Variants in PPP4R2 observed in about 807,000 individuals in gnomAD.
PPP4R2 encodes protein phosphatase 4 regulatory subunit 2.
PPP4R2 carries 13 observed loss-of-function variants against 47.2 expected under a neutral mutation model. The observed-to-expected ratio is 0.28, with a 90% CI of 0.18 to 0.44. The LOEUF is 0.44. Ranked by LOEUF, PPP4R2 falls within the 20% of genes least tolerant of loss-of-function variation. The pLI is 1.00. For missense variants in PPP4R2, 421 were observed against 491.2 expected, an observed-to-expected ratio of 0.86 and a Z score of 1.35; for synonymous variants, 151 against 163.3, an observed-to-expected ratio of 0.92 and a Z score of 0.57.
chr3:73,004,906 G>C (rs2107208305), intron 2 of PPP4R2, among the ~76,000 whole-genome samples: 1 of 118,624 alleles, frequency 8.4e-6, no homozygotes, highest in South Asian at 3.0e-4. Flanking sequence ...TTTTGAGTCG[G>C]AGTCATGTGT....
chr3:73,061,123 A>C, intron 5 of PPP4R2, 63 bp downstream of exon 5: 1 of 729,190 alleles, frequency 1.4e-6, no homozygotes, highest in Non-Finnish European at 2.1e-6. Flanking sequence ...TATTGCTTCT[A>C]ATATATTATT....
intron 5 of PPP4R2, chr3:73,063,302 A>G (rs1447230197): frequency 4.7e-6 from 1 of 213,876 alleles, no homozygotes; most frequent in Non-Finnish European, 9.6e-6. Context: ...CCTAACATGA[A>G]CTAATTCTCA....
At chr3:73,029,447 A>G (rs1702127976) in intron 2 of PPP4R2, among the ~76,000 whole-genome samples, 1 of 152,208 alleles carries the variant, frequency 6.6e-6, no homozygotes, top group South Asian at 2.1e-4. Context: ...TGTATTTTGA[A>G]GGTACAACCA....
chr3:73,052,244 TTC>T lies in PPP4R2; in HGVS notation c.287+4890_287+4891del, dbSNP rs1035083252. 3.3e-5 allele frequency among the ~76,000 whole-genome samples: 5 copies of T among 150,364 alleles called. 1 individual carries two copies. Among genetic ancestry groups the T allele is most frequent in the African/African-American group, 7.4e-5 (3 of 40,672 alleles). Reference sequence around the variant, plus strand: ...CAATGGAATGCTTAATTTCTTTCTTTTCTTTTTTTTTTTGGTCATTTTCTTGT... The same window carrying T: ...CAATGGAATGCTTAATTTCTTTCTTTTTTTTTTTTTTGGTCATTTTCTTGT... On this transcript the variant is annotated intron_variant, in intron 3 of 8. Transcript: ENST00000356692.
At chr3:73,027,816 C>T (rs535114926) in intron 2 of PPP4R2, 1 of 151,568 alleles carries the variant, frequency 6.6e-6, no homozygotes, top group East Asian at 1.9e-4. Flanking sequence ...GAGAATGTTA[C>T]AGCTCTTTTA....
chr3:73,007,460 G>T (rs1249827410), intron 2 of PPP4R2, among the ~76,000 whole-genome samples: 3 of 140,586 alleles, frequency 2.1e-5, no homozygotes, highest in Non-Finnish European at 4.6e-5. Flanking sequence ...TTTCTTTTCT[G>T]TTTTTTTCTG....
chr3:73,022,847 C>T (rs1452076333), intron 2 of PPP4R2, among the ~76,000 whole-genome samples: 2 of 147,038 alleles, frequency 1.4e-5, no homozygotes, highest in Non-Finnish European at 3.0e-5. Context: ...ATTAATAACT[C>T]TTGGAAGCCT....
At chr3:73,047,419 T>C (rs1245587225) in intron 3 of PPP4R2, 63 bp downstream of exon 3, 7 of 1,130,434 alleles carry the variant, frequency 6.2e-6, no homozygotes, top group South Asian at 1.7e-5. Context: ...ATTTTTCTTT[T>C]AGTTTTGATG....
chr3:73,004,438 TC>T (rs969181916), intron 2 of PPP4R2, among the ~76,000 whole-genome samples: 1 of 152,078 alleles, frequency 6.6e-6, no homozygotes, highest in African/African-American at 2.4e-5. Context: ...TTCTATTGTT[TC>T]CCCCCAGTAA....
At chr3:73,062,310 T>G (rs1042934366) in intron 5 of PPP4R2, 72 of 1,606,544 alleles carry the variant, frequency 4.5e-5, no homozygotes, top group Non-Finnish European at 5.6e-5. Context: ...TCAAGGAAGA[T>G]TTGAGCTATC....
At chr3:73,025,065 G>A (rs1702036569) in intron 2 of PPP4R2, among the ~76,000 whole-genome samples, 1 of 152,054 alleles carries the variant, frequency 6.6e-6, no homozygotes, top group African/African-American at 2.4e-5. Flanking sequence ...AATCTGATTG[G>A]CCTGGCCCTG....
At chr3:73,020,101 A>G (rs1377127353) in intron 2 of PPP4R2, among the ~76,000 whole-genome samples, 2 of 152,142 alleles carry the variant, frequency 1.3e-5, no homozygotes, top group Non-Finnish European at 2.9e-5. Context: ...CTTAATAGAA[A>G]TTTATTTCCT....
chr3:73,046,702 AGG>A (rs369764739), intron 2 of PPP4R2, among the ~76,000 whole-genome samples: 735 of 152,290 alleles, frequency 4.8e-3, no homozygotes, highest in Non-Finnish European at 8.0e-3. Context: ...ATTAACTGAA[AGG>A]GGAAAAAAAA....
In PPP4R2 at chr3:73,040,657, C is replaced by T. The variant is rs915434549; in HGVS notation, c.117-6529C>T. ...TAATTCCAGTAGCTGGAATTATAGG[C>T]GCTCACCACCATGCCTGGCTAATTT... On this transcript the variant is annotated intron_variant, in intron 2 of 8. Transcript: ENST00000356692. Among the ~76,000 whole-genome samples, 10 of 151,998 alleles carry T rather than the reference C, an allele frequency of 6.6e-5. No individual in the cohort carries two copies. The East Asian group carries it at 7.7e-4, about 12-fold the overall frequency.
rs1702977070 is a variant in PPP4R2, at chr3:73,065,617, A to G, written c.1149A>G (p.Leu383=). ...CTGACTGCCGTGAAACAGAAGAATT[A>G]GTAGGATCCAATTCCAGTAAAACTG... The part of the protein sequence containing the change: ...SSSDCRETEE[L]VGSNSSKTGE... The change falls in exon 9 of 9, where the codon TTA becomes TTG. Residue 383 remains leucine (L), a synonymous_variant. Transcript: ENST00000356692. 6.2e-7 allele frequency: 1 copy of G among 1,613,234 alleles called. No homozygotes were observed. The highest frequency in any genetic ancestry group is 8.5e-7 in the Non-Finnish European group (1 of 1,179,208).
intron 5 of PPP4R2, 31 bp downstream of exon 5, chr3:73,061,091 TATTTACTA>T: frequency 1.0e-6 from 1 of 1,004,712 alleles, no homozygotes; most frequent in East Asian, 2.8e-5. Flanking sequence ...TCTAGTATAT[TATTTACTA>T]TATTTAATCA....
chr3:73,008,700 G>A (rs920059119), intron 2 of PPP4R2, among the ~76,000 whole-genome samples: 2 of 152,172 alleles, frequency 1.3e-5, no homozygotes, highest in African/African-American at 4.8e-5. Flanking sequence ...GTGAGGACTT[G>A]AATAATAAAG....
intron 2 of PPP4R2, among the ~76,000 whole-genome samples, chr3:73,042,342 T>A (rs1702395164): frequency 6.6e-6 from 1 of 151,264 alleles, no homozygotes; most frequent in East Asian, 1.9e-4. Flanking sequence ...GGCCTGTTTT[T>A]TGTGCCTGAA....
intron 2 of PPP4R2, among the ~76,000 whole-genome samples, chr3:73,034,490 C>G (rs1432877068): frequency 6.6e-6 from 1 of 152,126 alleles, no homozygotes; most frequent in Non-Finnish European, 1.5e-5. Context: ...ATGAGTAGTG[C>G]TTTTTGAATA....
Sources: allele counts gnomAD v4.1 joint callset (sites outside exome capture counted in the v4.1 genomes callset), GRCh38; gene constraint gnomAD v4.1.1; transcripts MANE v1.5; gene names NCBI Gene and HGNC (gene_info 2026-07-23, HGNC 2026-07-21).